CSMD1: variants seen among roughly 807,000 people sequenced by gnomAD.
CSMD1 encodes CUB and Sushi multiple domains 1.
CSMD1 carries 213 observed loss-of-function variants against 417.5 expected under a neutral mutation model. The ratio of observed to expected loss-of-function variants is 0.51; its 90% CI spans 0.46 to 0.57. The LOEUF is 0.57. Among genes scored for constraint, CSMD1 ranks in the 20% least tolerant of loss-of-function variants. The pLI is 0.00. For missense variants in CSMD1, 6,923 were observed against 4,529.7 expected (o/e 1.53, Z -15.17); for synonymous variants, 2,862 against 1,736.8 (o/e 1.65, Z -16.11).
At chr8:3,834,652 A>C (rs1163157766) in intron 5 of CSMD1, among the ~76,000 whole-genome samples, 2 of 152,142 alleles carry the variant, frequency 1.3e-5, no homozygotes, top group South Asian at 2.1e-4. Flanking sequence ...TAAATTATCA[A>C]ACCTGATGGT....
At chr8:3,804,974 G>C (rs1013509709) in intron 5 of CSMD1, among the ~76,000 whole-genome samples, 2 of 152,142 alleles carry the variant, frequency 1.3e-5, no homozygotes, top group African/African-American at 2.4e-5. Context: ...AGAAGCAATT[G>C]TTCGTTCCAC....
intron 50 of CSMD1, among the ~76,000 whole-genome samples, chr8:3,029,872 C>A (rs1810225353): frequency 6.6e-6 from 1 of 151,948 alleles, no homozygotes; most frequent in South Asian, 2.1e-4. Flanking sequence ...CCCTCAATAT[C>A]CTTGGAGGAA....
At chr8:3,148,587 G>T (rs11780803) in intron 40 of CSMD1, among the ~76,000 whole-genome samples, 217 of 152,282 alleles carry the variant, frequency 1.4e-3, no homozygotes, top group Non-Finnish European at 2.3e-3. Flanking sequence ...CAAGGGAGAA[G>T]ACGCAGAAAT....
intron 12 of CSMD1, among the ~76,000 whole-genome samples, chr8:3,461,424 C>T (rs1206280785): frequency 2.0e-5 from 3 of 152,194 alleles, no homozygotes; most frequent in African/African-American, 7.2e-5. Context: ...CTGTGTCAGT[C>T]CCCAGAGGCT....
intron 3 of CSMD1, among the ~76,000 whole-genome samples, chr8:4,180,706 G>T (rs1240511894): frequency 6.6e-6 from 1 of 152,090 alleles, no homozygotes; most frequent in African/African-American, 2.4e-5. Flanking sequence ...TGGTTGTCAT[G>T]GAACTCACCT....
chr8:4,492,247 G>A (rs1248742993), intron 2 of CSMD1, among the ~76,000 whole-genome samples: 3 of 152,064 alleles, frequency 2.0e-5, no homozygotes, highest in East Asian at 1.9e-4. Flanking sequence ...ATGTGAGCAT[G>A]CTCAGCTAAC....
chr8:4,764,272 T>C (rs1259160718), intron 1 of CSMD1, among the ~76,000 whole-genome samples: 2 of 152,146 alleles, frequency 1.3e-5, no homozygotes, highest in South Asian at 2.1e-4. Context: ...CTCTATAATA[T>C]TGGGGGTAGA....
intron 3 of CSMD1, among the ~76,000 whole-genome samples, chr8:4,303,958 C>T (rs1798117422): frequency 6.6e-6 from 1 of 152,166 alleles, no homozygotes; most frequent in Non-Finnish European, 1.5e-5. Context: ...GCCACTTTTC[C>T]CTCTTCCTTT....
At chr8:4,653,052 A>T (rs919902255) in intron 1 of CSMD1, among the ~76,000 whole-genome samples, 1 of 152,004 alleles carries the variant, frequency 6.6e-6, no homozygotes, top group Non-Finnish European at 1.5e-5. Context: ...TCCTCAGTCC[A>T]GGGCTTGGGG....
At chr8:3,256,884 T>C (rs1800694731) in intron 26 of CSMD1, among the ~76,000 whole-genome samples, 1 of 152,206 alleles carries the variant, frequency 6.6e-6, no homozygotes, top group South Asian at 2.1e-4. Flanking sequence ...TTTCAACTCT[T>C]AGCCAAAAAA....
intron 3 of CSMD1, among the ~76,000 whole-genome samples, chr8:4,380,783 A>G (rs1348500166): frequency 6.6e-6 from 1 of 152,182 alleles, no homozygotes; most frequent in East Asian, 1.9e-4. Context: ...CAAAAAGTAT[A>G]TTTAAAAAAC....
At chr8:4,796,793 G>GTAAATTCCCCTT (rs1262892092) in intron 1 of CSMD1, among the ~76,000 whole-genome samples, 1 of 152,132 alleles carries the variant, frequency 6.6e-6, no homozygotes, top group Non-Finnish European at 1.5e-5. Flanking sequence ...ATCACGGTGA[G>GTAAATTCCCCTT]TAAATTCCCC....
intron 7 of CSMD1, among the ~76,000 whole-genome samples, chr8:3,659,860 T>G (rs978297087): frequency 1.3e-5 from 2 of 152,152 alleles, no homozygotes; most frequent in African/African-American, 4.8e-5. Flanking sequence ...TTCAACTTCT[T>G]TAGAGAAATA....
intron 3 of CSMD1, among the ~76,000 whole-genome samples, chr8:4,204,607 G>A (rs573626201): frequency 6.6e-6 from 1 of 152,250 alleles, no homozygotes; most frequent in South Asian, 2.1e-4. Context: ...TTGCATAAAA[G>A]TGTGTAAGGA....
chr8:4,975,809 AT>A (rs35359085), intron 1 of CSMD1, among the ~76,000 whole-genome samples: 23,913 of 151,726 alleles, frequency 0.16, 2,085 homozygotes, highest in East Asian at 0.31. Flanking sequence ...TAGTGTATGC[AT>A]TTTTTTTGCA....
intron 3 of CSMD1, among the ~76,000 whole-genome samples, chr8:4,111,025 C>G (rs561085805): frequency 6.6e-6 from 1 of 152,034 alleles, no homozygotes; most frequent in East Asian, 1.9e-4. Context: ...TCAGGGACTC[C>G]CTGCGAAAGG....
intron 1 of CSMD1, among the ~76,000 whole-genome samples, chr8:4,670,303 G>A (rs1005560092): frequency 3.3e-5 from 5 of 152,088 alleles, no homozygotes; most frequent in African/African-American, 1.2e-4. Context: ...GGTTTTTGTG[G>A]CCTTGGCCCT....
At chr8:3,670,310 G>T (rs1021089436) in intron 7 of CSMD1, among the ~76,000 whole-genome samples, 2 of 151,882 alleles carry the variant, frequency 1.3e-5, no homozygotes, top group African/African-American at 4.8e-5. Context: ...GATGCTTCCT[G>T]CCCTCCAGCA....
chr8:3,740,889 G>C (rs1253794561), intron 6 of CSMD1, among the ~76,000 whole-genome samples: 3 of 152,088 alleles, frequency 2.0e-5, no homozygotes, highest in Non-Finnish European at 2.9e-5. Flanking sequence ...CTCAGCTTCT[G>C]TGCCCAGGGG....
Sources: allele counts gnomAD v4.1 joint callset (sites outside exome capture counted in the v4.1 genomes callset), GRCh38; gene constraint gnomAD v4.1.1; transcripts MANE v1.5; gene names NCBI Gene and HGNC (gene_info 2026-07-23, HGNC 2026-07-21).